NF1: variants seen among roughly 807,000 people sequenced by gnomAD.
NF1 encodes neurofibromin.
Under a neutral mutation model 325.7 loss-of-function variants are expected in NF1, and 122 were observed. That is an observed-to-expected ratio of 0.37 (90% CI 0.32 to 0.44). The LOEUF is 0.44. Among genes scored for constraint, NF1 ranks in the 20% least tolerant of loss-of-function variants. NF1 has a pLI of 1.00. For missense variants in NF1, 2,140 were observed against 3,415.4 expected (o/e 0.63, Z 9.31); for synonymous variants, 1,091 against 1,186.0 (o/e 0.92, Z 1.65).
In NF1 at chr17:31,317,236, C is replaced by T. The variant is rs141481799; in HGVS notation, c.4836-8584C>T. On this transcript the variant is annotated intron_variant, in intron 36 of 57. Transcript: ENST00000358273. ...TTCAGTAGATATTTGGAAAGTCTCT[C>T]AAACCAATTTTTGTAATATATTTAA... Among the ~76,000 whole-genome samples the T allele has an allele frequency of 7.3e-4, 111 of 152,140 alleles. 1 individual carries two copies. Among genetic ancestry groups the T allele is most frequent in the African/African-American group, 2.6e-3 (107 of 41,502 alleles).
intron 47 of NF1, among the ~76,000 whole-genome samples, chr17:31,342,279 T>G (rs1437462465): frequency 6.6e-6 from 1 of 152,154 alleles, no homozygotes; most frequent in Non-Finnish European, 1.5e-5. Flanking sequence ...CGATATCTAG[T>G]TGTTGGCTAT....
At chr17:31,134,339 A>G (rs1477831644) in intron 1 of NF1, among the ~76,000 whole-genome samples, 1 of 152,182 alleles carries the variant, frequency 6.6e-6, no homozygotes, top group Non-Finnish European at 1.5e-5. Context: ...TTTCCATATA[A>G]TGTTTTCAAT....
chr17:31,141,185 T>G (rs969640194), intron 1 of NF1, among the ~76,000 whole-genome samples: 2 of 152,212 alleles, frequency 1.3e-5, no homozygotes, highest in African/African-American at 4.8e-5. Context: ...GATATCAGCT[T>G]ATAAATCTCA....
intron 30 of NF1, chr17:31,252,120 CTTT>C (rs1193012915): frequency 3.5e-4 from 50 of 142,088 alleles, no homozygotes; most frequent in Middle Eastern, 2.6e-3. Context: ...TTTTAGGTGG[CTTT>C]TTTTTTTTTT....
At chr17:31,104,599 G>A (rs545897731) in intron 1 of NF1, among the ~76,000 whole-genome samples, 30 of 152,278 alleles carry the variant, frequency 2.0e-4, no homozygotes, top group Admixed American at 1.8e-3. Context: ...TCTTGGGGGC[G>A]GGAAGGGAGA....
intron 17 of NF1, among the ~76,000 whole-genome samples, chr17:31,225,631 A>T (rs1214402303): frequency 6.6e-6 from 1 of 152,202 alleles, no homozygotes; most frequent in Non-Finnish European, 1.5e-5. Context: ...ACAGATTTAC[A>T]GGGATAAAAA....
At chr17:31,196,745 C>T (rs2066440551) in intron 8 of NF1, among the ~76,000 whole-genome samples, 2 of 152,006 alleles carry the variant, frequency 1.3e-5, no homozygotes, top group African/African-American at 4.8e-5. Flanking sequence ...CATCTTCATT[C>T]TTTTGCATGT....
chr17:31,151,280 T>C (rs1269442600), intron 1 of NF1, among the ~76,000 whole-genome samples: 1 of 152,128 alleles, frequency 6.6e-6, no homozygotes, highest in Non-Finnish European at 1.5e-5. Flanking sequence ...CTATACTATC[T>C]AGGATTGTAT....
chr17:31,303,579 T>C (rs1437840826), intron 36 of NF1, among the ~76,000 whole-genome samples: 1 of 152,166 alleles, frequency 6.6e-6, no homozygotes, highest in Non-Finnish European at 1.5e-5. Context: ...TTTGTTTGGG[T>C]GTTTATAAAG....
intron 50 of NF1, among the ~76,000 whole-genome samples, chr17:31,351,566 G>T (rs533295609): frequency 6.6e-6 from 1 of 152,282 alleles, no homozygotes; most frequent in East Asian, 1.9e-4. Flanking sequence ...ACAGGCGCGT[G>T]CCACCATGCC....
In NF1 at chr17:31,256,134, C is replaced by CTTTA. The variant is rs527772575; in HGVS notation, c.4174-2186_4174-2183dup. ...AATGTTATAGGTTTCTTTTGTCTGCCTTTATTTATTTATTTATTTATTTAT... is the reference window on the plus strand; with the variant it reads ...AATGTTATAGGTTTCTTTTGTCTGCCTTTATTTATTTATTTATTTATTTATTTAT... On this transcript the variant is annotated intron_variant, in intron 31 of 57. Transcript: ENST00000358273. Among the ~76,000 whole-genome samples the CTTTA allele has an allele frequency of 5.3e-3, 802 of 151,778 alleles. 7 individuals carry two copies. The highest frequency in any genetic ancestry group is 0.013 in the African/African-American group (558 of 41,436).
At chr17:31,204,401 C>T (rs1026953451) in intron 11 of NF1, among the ~76,000 whole-genome samples, 1 of 151,860 alleles carries the variant, frequency 6.6e-6, no homozygotes, top group South Asian at 2.1e-4. Flanking sequence ...TAAGTGTTGC[C>T]ATTTGGCTAT....
At chr17:31,234,846 C>T (rs1181550621) in intron 27 of NF1, among the ~76,000 whole-genome samples, 1 of 151,972 alleles carries the variant, frequency 6.6e-6, no homozygotes, top group East Asian at 1.9e-4. Flanking sequence ...ATGATCCTGG[C>T]CTTTGTTGTT....
At position 31,158,815 on chromosome 17, in the gene NF1, A is replaced by G. The variant is rs1169858774; in HGVS notation, c.205-195A>G. On this transcript the variant is annotated intron_variant, in intron 2 of 57. Transcript: ENST00000358273. ...TTAATGGCAGACTCTAATAAATGCCATTTCTGTTTGCCTTAGACTTTAGTT... is the reference window on the plus strand; with the variant it reads ...TTAATGGCAGACTCTAATAAATGCCGTTTCTGTTTGCCTTAGACTTTAGTT... Among the ~76,000 whole-genome samples the G allele has an allele frequency of 2.0e-5, 3 of 152,162 alleles. No individual in the cohort carries two copies. The East Asian group carries it at 5.8e-4, about 29-fold the overall frequency.
chr17:31,112,336 GATATT>G (rs1913489836), intron 1 of NF1, among the ~76,000 whole-genome samples: 1 of 152,078 alleles, frequency 6.6e-6, no homozygotes, highest in African/African-American at 2.4e-5. Flanking sequence ...AATGTTACAG[GATATT>G]ATATTCTGTA....
chr17:31,119,745 C>T (rs572264259), intron 1 of NF1, among the ~76,000 whole-genome samples: 1 of 152,046 alleles, frequency 6.6e-6, no homozygotes. Context: ...GGTTTTAGGT[C>T]TTATGTTTAA....
At chr17:31,198,366 A>G (rs1406282809) in intron 8 of NF1, among the ~76,000 whole-genome samples, 1 of 152,186 alleles carries the variant, frequency 6.6e-6, no homozygotes, top group Non-Finnish European at 1.5e-5. Context: ...GGTGGAATCA[A>G]CCAGTGAAAG....
intron 11 of NF1, 143 bp from the exon 12 acceptor site, chr17:31,206,097 A>C: frequency 1.2e-6 from 1 of 824,360 alleles, no homozygotes; most frequent in Non-Finnish European, 2.1e-6. Flanking sequence ...TTGTTTGAAG[A>C]CTTTGGAAAT....
At chr17:31,249,835 G>A in intron 30 of NF1, 1 of 400,730 alleles carries the variant, frequency 2.5e-6, no homozygotes, top group Non-Finnish European at 5.0e-6. Flanking sequence ...ATGCATATTA[G>A]CCTTTTGGAA....
Sources: allele counts gnomAD v4.1 joint callset (sites outside exome capture counted in the v4.1 genomes callset), GRCh38; gene constraint gnomAD v4.1.1; transcripts MANE v1.5; gene names NCBI Gene and HGNC (gene_info 2026-07-23, HGNC 2026-07-21).